Variants in SHTN1 observed in about 807,000 individuals in gnomAD.
SHTN1 encodes the protein shootin-1.
Under a neutral mutation model 83.1 loss-of-function variants are expected in SHTN1, and 42 were observed. The ratio of observed to expected loss-of-function variants is 0.51; its 90% CI spans 0.39 to 0.65. The LOEUF (loss-of-function observed/expected upper bound fraction) is 0.65. SHTN1 is among the 30% of genes least tolerant of loss of function. The pLI, the probability that SHTN1 is intolerant of heterozygous loss-of-function variation, is 0.00. For synonymous variants in SHTN1, 224 were observed against 247.7 expected, an observed-to-expected ratio of 0.90 and a Z score of 0.90; for missense variants, 622 against 737.8, an observed-to-expected ratio of 0.84 and a Z score of 1.82.
chr10:117,013,292 A>G (rs1188027677), intron 2 of SHTN1, among the ~76,000 whole-genome samples: 2 of 152,036 alleles, frequency 1.3e-5, no homozygotes, highest in Non-Finnish European at 2.9e-5. Flanking sequence ...CTCCTGCCTC[A>G]GCCTCCCCAG....
chr10:117,042,473 G>A (rs896746929), intron 2 of SHTN1, among the ~76,000 whole-genome samples: 1 of 152,072 alleles, frequency 6.6e-6, no homozygotes, highest in Non-Finnish European at 1.5e-5. Context: ...TAACCATTGA[G>A]TCTCTTCATC....
At position 116,905,082 on chromosome 10, in the gene SHTN1, T is replaced by C. The variant is rs1429876350; in HGVS notation, c.1480+1545A>G. 1.5e-4 allele frequency among the ~76,000 whole-genome samples: 23 copies of C among 151,662 alleles called. No homozygotes were observed. The East Asian group carries it at 4.3e-3, about 28-fold the overall frequency. ...CGGGCGCGGTGGCGGGCGCCTGTAG[T>C]CCCAGCTACTGGGGAGGCTGAGGCA... On this transcript the variant is annotated intron_variant, in intron 15 of 16. Coordinates refer to ENST00000355371, the MANE Select transcript of SHTN1 (RefSeq NM_001127211.3).
At chr10:116,954,651 G>C (rs1286822011) in intron 4 of SHTN1, among the ~76,000 whole-genome samples, 1 of 151,920 alleles carries the variant, frequency 6.6e-6, no homozygotes, top group Non-Finnish European at 1.5e-5. Flanking sequence ...GATTTCAATG[G>C]GAGTGCCATG....
intron 1 of SHTN1, among the ~76,000 whole-genome samples, chr10:116,990,202 G>T (rs887362673): frequency 2.0e-5 from 3 of 151,580 alleles, no homozygotes; most frequent in Non-Finnish European, 4.4e-5. Flanking sequence ...TGTAGATTTG[G>T]TTTGGGTACA....
chr10:117,004,175 C>G (rs764514251), intron 1 of SHTN1, among the ~76,000 whole-genome samples: 1 of 152,170 alleles, frequency 6.6e-6, no homozygotes, highest in Non-Finnish European at 1.5e-5. Flanking sequence ...GCGTGAGCCA[C>G]CGCACCCGGC....
chr10:116,886,228 T>C lies in SHTN1; in HGVS notation c.*116A>G. ...ACAAAAGTGACACCAGAAAAGAACC[T>C]GTATTCTGAATACAGTGACCAGAGC... On this transcript the variant is annotated 3_prime_UTR_variant, in exon 17 of 17. Coordinates refer to ENST00000355371, the MANE Select transcript of SHTN1 (RefSeq NM_001127211.3). 1 of 1,394,358 alleles carries C rather than the reference T, an allele frequency of 7.2e-7. No homozygotes were observed. Among genetic ancestry groups the C allele is most frequent in the Non-Finnish European group, 9.7e-7 (1 of 1,035,322 alleles). The allele number at this position is 1,394,358 out of a possible 1,614,324, so 86.4% of individuals were successfully genotyped here.
At chr10:116,927,696 G>A (rs567980978) in intron 11 of SHTN1, 96 bp downstream of exon 11, 1 of 1,392,834 alleles carries the variant, frequency 7.2e-7, no homozygotes, top group African/African-American at 1.5e-5. Context: ...AGAAGCATCA[G>A]CTAGTATCTT....
At chr10:116,956,323 T>C (rs908344857) in intron 4 of SHTN1, among the ~76,000 whole-genome samples, 1 of 152,214 alleles carries the variant, frequency 6.6e-6, no homozygotes, top group Non-Finnish European at 1.5e-5. Context: ...TGCTTTAGTA[T>C]ACAACCCAGC....
Position 116,970,389 on chromosome 10 carries a change from A to C in SHTN1, c.112-1677T>G, listed in dbSNP as rs781337014. ...ACTATACTACAGAGCAGTGAAAATG[A>C]ATAAAGCCGTATGTATCAACATAAA... On this transcript the variant is annotated intron_variant, in intron 2 of 16. Coordinates refer to ENST00000355371, the MANE Select transcript of SHTN1 (RefSeq NM_001127211.3). Among the ~76,000 whole-genome samples the C allele has an allele frequency of 4.0e-4, 61 of 152,196 alleles. 1 individual carries two copies. The highest frequency in any genetic ancestry group is 1.0e-4 in the Non-Finnish European group (7 of 68,034).
chr10:117,004,950 G>T, intron 1 of SHTN1, 72 bp downstream of exon 1: 3 of 1,418,368 alleles, frequency 2.1e-6, no homozygotes, highest in Non-Finnish European at 2.9e-6. Flanking sequence ...AACTGCCCTG[G>T]CCCCAGCGCC....
intron 16 of SHTN1, among the ~76,000 whole-genome samples, chr10:116,887,719 C>T (rs891260334): frequency 2.6e-5 from 4 of 152,184 alleles, no homozygotes; most frequent in African/African-American, 9.7e-5. Context: ...ATGTAAACAT[C>T]CACGAGGCAG....
At chr10:117,061,166 A>C (rs1299317438) in intron 1 of SHTN1, among the ~76,000 whole-genome samples, 1 of 116,014 alleles carries the variant, frequency 8.6e-6, no homozygotes, top group Admixed American at 1.0e-4. Context: ...TTTTTTTCTG[A>C]GGTGGAGTCT....
At chr10:117,114,930 G>A (rs917319731) in intron 1 of SHTN1, among the ~76,000 whole-genome samples, 2 of 152,170 alleles carry the variant, frequency 1.3e-5, no homozygotes, top group African/African-American at 4.8e-5. Context: ...GGAGGACCGG[G>A]TTCTAGCACA....
Position 117,041,465 on chromosome 10 carries a change from T to C in SHTN1, c.-123+6980A>G, listed in dbSNP as rs73398137. ...CATCACGGAGTCCAATACTCTATTT[T>C]TGGAACTATTTTAAAACCTGCAACA... On this transcript the variant is annotated intron_variant, in intron 2 of 17. Coordinates refer to the SHTN1 transcript ENST00000392901. 6.8e-3 allele frequency among the ~76,000 whole-genome samples: 1,040 copies of C among 152,288 alleles called. 16 individuals carry two copies. Among genetic ancestry groups the C allele is most frequent in the African/African-American group, 0.024 (1,002 of 41,558 alleles).
intron 1 of SHTN1, among the ~76,000 whole-genome samples, chr10:116,981,712 A>G (rs1184573837): frequency 6.6e-6 from 1 of 152,198 alleles, no homozygotes; most frequent in African/African-American, 2.4e-5. Flanking sequence ...TTAATGTTCT[A>G]TAATTGGTGA....
intron 14 of SHTN1, among the ~76,000 whole-genome samples, chr10:116,911,257 C>T (rs1212838737): frequency 1.3e-5 from 2 of 152,094 alleles, no homozygotes; most frequent in Non-Finnish European, 1.5e-5. Context: ...AGTATGCTCT[C>T]CAACTGTCAG....
At chr10:116,911,338 C>T (rs747178940) in intron 14 of SHTN1, among the ~76,000 whole-genome samples, 23 of 152,148 alleles carry the variant, frequency 1.5e-4, no homozygotes, top group Non-Finnish European at 2.8e-4. Flanking sequence ...ATAATTGTTT[C>T]GACTGTGAGG....
intron 1 of SHTN1, among the ~76,000 whole-genome samples, chr10:116,989,885 A>G (rs541726498): frequency 6.6e-6 from 1 of 152,300 alleles, no homozygotes; most frequent in Admixed American, 6.5e-5. Flanking sequence ...CCAATTACCA[A>G]CTTATGAGGC....
chr10:116,970,784 T>C (rs1318862741), intron 2 of SHTN1, among the ~76,000 whole-genome samples: 1 of 151,526 alleles, frequency 6.6e-6, no homozygotes, highest in Non-Finnish European at 1.5e-5. Flanking sequence ...AAATAATATC[T>C]TACATACACA....
Sources: allele counts gnomAD v4.1 joint callset (sites outside exome capture counted in the v4.1 genomes callset), GRCh38; gene constraint gnomAD v4.1.1; transcripts MANE v1.5; gene names NCBI Gene and HGNC (gene_info 2026-07-23, HGNC 2026-07-21).